Variants in FAM228B observed in about 807,000 individuals in gnomAD.
FAM228B encodes the protein protein FAM228B.
FAM228B carries 38 observed loss-of-function variants against 42.6 expected under a neutral mutation model. The ratio of observed to expected loss-of-function variants is 0.89; its 90% CI spans 0.69 to 1.17. The LOEUF (loss-of-function observed/expected upper bound fraction) is 1.17. FAM228B is among the 50% of genes most tolerant of loss of function. FAM228B has a pLI of 0.00. For synonymous variants in FAM228B, 109 were observed against 122.3 expected (o/e 0.89, Z 0.72); for missense variants, 344 against 367.3 (o/e 0.94, Z 0.52).
At chr2:24,146,215 A>T (rs1039799016) in intron 5 of FAM228B, among the ~76,000 whole-genome samples, 2 of 152,204 alleles carry the variant, frequency 1.3e-5, no homozygotes, top group Admixed American at 6.5e-5. Context: ...CTAGGCCTAA[A>T]TGGTGAATGT....
At chr2:24,148,014 G>T (rs2151024101) in intron 7 of FAM228B, among the ~76,000 whole-genome samples, 1 of 151,826 alleles carries the variant, frequency 6.6e-6, no homozygotes, top group East Asian at 1.9e-4. Context: ...TCTAGAAATG[G>T]ATATGCCTCT....
At chr2:24,155,394 T>C (rs563413953) in intron 7 of FAM228B, among the ~76,000 whole-genome samples, 10 of 151,046 alleles carry the variant, frequency 6.6e-5, no homozygotes, top group Admixed American at 2.6e-4. Context: ...TCTCTAGCCT[T>C]ATGGGGGCTG....
At chr2:24,118,153 A>G (rs1665982860) in intron 3 of FAM228B, among the ~76,000 whole-genome samples, 3 of 152,210 alleles carry the variant, frequency 2.0e-5, no homozygotes. Context: ...TGACAGCCAA[A>G]TTGCCCATCT....
rs775840786 is a variant in FAM228B at position 24,084,162 on chromosome 2, G to A, written c.-210+3207G>A. 1.1e-5 allele frequency: 17 copies of A among 1,593,992 alleles called. No individual in the cohort carries two copies. The highest frequency in any genetic ancestry group is 1.4e-5 in the Non-Finnish European group (16 of 1,171,812). ...AGAGGGAGGCTCTGGAGTCCCGCCC[G>A]CCCCGGCGCGGCTGAGCCCTGGGTA... On this transcript the variant is annotated intron_variant, in intron 2 of 10. Transcript: ENST00000613899. This position sits in a 1 kb window ranked among gnomAD's most constrained non-coding sequence, Gnocchi z 8.4.
chr2:24,155,531 ATTTTTTTT>A (rs70944720), intron 7 of FAM228B, among the ~76,000 whole-genome samples: 18 of 13,034 alleles, frequency 1.4e-3, no homozygotes, highest in South Asian at 3.8e-3. Context: ...ATATATATAT[ATTTTTTTT>A]TTTTTTTTTT....
At chr2:24,136,153 C>CTGGG (rs1380057577) in intron 3 of FAM228B, among the ~76,000 whole-genome samples, 4 of 148,642 alleles carry the variant, frequency 2.7e-5, no homozygotes, top group Non-Finnish European at 5.9e-5. Context: ...CCTTGGCCTC[C>CTGGG]TGGGCTCAAG....
At chr2:24,147,736 T>A (rs918236164) in intron 7 of FAM228B, among the ~76,000 whole-genome samples, 11 of 152,178 alleles carry the variant, frequency 7.2e-5, no homozygotes, top group Admixed American at 2.6e-4. Context: ...AATTTTTAGA[T>A]AGTTTTTATT....
At position 24,087,553 on chromosome 2, in the gene FAM228B, A is replaced by G. The variant is rs565322675; in HGVS notation, c.-210+6598A>G. On this transcript the variant is annotated intron_variant, in intron 2 of 10. Transcript: ENST00000613899. ...TAGATAGCTTCAGGATGAGCTGGTC[A>G]CCAGAAAGACCCTGGGAAGGGGAAG... 6.6e-5 allele frequency among the ~76,000 whole-genome samples: 10 copies of G among 152,250 alleles called. 1 individual carries two copies. The South Asian group carries it at 2.1e-3, about 32-fold the overall frequency.
At chr2:24,154,197 A>G (rs1486445209) in intron 7 of FAM228B, among the ~76,000 whole-genome samples, 1 of 152,232 alleles carries the variant, frequency 6.6e-6, no homozygotes, top group Non-Finnish European at 1.5e-5. Flanking sequence ...GGTTTTGGTG[A>G]TGGTGCTTTT....
intron 3 of FAM228B, among the ~76,000 whole-genome samples, chr2:24,114,043 A>T (rs1449112370): frequency 6.6e-6 from 1 of 152,232 alleles, no homozygotes; most frequent in Admixed American, 6.5e-5. Flanking sequence ...TGTTGGAAGT[A>T]AGTTCTGTGT....
intron 3 of FAM228B, among the ~76,000 whole-genome samples, chr2:24,106,866 A>G (rs952316759): frequency 1.5e-5 from 2 of 129,916 alleles, no homozygotes; most frequent in East Asian, 4.5e-4. Context: ...TAAATCAACC[A>G]CACTAACAAG....
Position 24,169,495 on chromosome 2 carries a change from T to TAA in FAM228B, c.*162_*163dup. On this transcript the variant is annotated 3_prime_UTR_variant, in exon 11 of 11. Coordinates refer to ENST00000615575, the MANE Select transcript of FAM228B (RefSeq NM_001145710.2). This position sits in a 1 kb window ranked among gnomAD's most constrained non-coding sequence, Gnocchi z 4.2. ...CGGCACTCAAGAATTGTCCTGTCTCTAAAAAAAAAGCATCTGCAACGAACT... is the reference window on the plus strand; with the variant it reads ...CGGCACTCAAGAATTGTCCTGTCTCTAAAAAAAAAAAGCATCTGCAACGAACT... 2 of 294,670 alleles carry TAA rather than the reference T, an allele frequency of 6.8e-6. No individual in the cohort carries two copies. The highest frequency in any genetic ancestry group is 8.3e-5 in the East Asian group (1 of 12,022). The allele number at this position is 294,670 out of a possible 1,614,324, so 18.3% of individuals were successfully genotyped here.
At chr2:24,106,487 T>G (rs1324428577) in intron 3 of FAM228B, among the ~76,000 whole-genome samples, 2 of 151,932 alleles carry the variant, frequency 1.3e-5, no homozygotes, top group South Asian at 2.1e-4. Context: ...GACCAGCTAA[T>G]TTTTGTATTT....
chr2:24,128,324 A>G (rs1666365616), intron 2 of FAM228B, among the ~76,000 whole-genome samples: 1 of 152,086 alleles, frequency 6.6e-6, no homozygotes, highest in African/African-American at 2.4e-5. Flanking sequence ...CCTGGCCTCA[A>G]GTGATCCTCC....
At chr2:24,103,250 G>C (rs756950776) in intron 3 of FAM228B, among the ~76,000 whole-genome samples, 36 of 152,218 alleles carry the variant, frequency 2.4e-4, no homozygotes, top group Non-Finnish European at 4.7e-4. Context: ...GGTGAAGGGA[G>C]GCTGGGGAGG....
At chr2:24,133,050 C>T (rs929944474) in intron 2 of FAM228B, among the ~76,000 whole-genome samples, 21 of 152,156 alleles carry the variant, frequency 1.4e-4, no homozygotes, top group African/African-American at 4.8e-4. Context: ...ATGCTTACCC[C>T]AAACTCTGTC....
intron 3 of FAM228B, among the ~76,000 whole-genome samples, chr2:24,104,406 G>T (rs754649289): frequency 2.0e-5 from 3 of 152,238 alleles, no homozygotes; most frequent in Non-Finnish European, 4.4e-5. Flanking sequence ...AGCAAAGGCT[G>T]CAGTTGCCAT....
chr2:24,101,728 G>A (rs576800464), intron 3 of FAM228B, among the ~76,000 whole-genome samples: 11 of 152,036 alleles, frequency 7.2e-5, no homozygotes, highest in Admixed American at 1.3e-4. Flanking sequence ...TTTCGCCCAC[G>A]ATGGAGTGCA....
At chr2:24,145,415 C>T (rs539178316) in intron 5 of FAM228B, among the ~76,000 whole-genome samples, 1 of 152,288 alleles carries the variant, frequency 6.6e-6, no homozygotes, top group Admixed American at 6.5e-5. Context: ...TGCACGCACC[C>T]AGGATCAAAG....
Sources: allele counts gnomAD v4.1 joint callset (sites outside exome capture counted in the v4.1 genomes callset), GRCh38; gene constraint gnomAD v4.1.1; non-coding constraint Gnocchi (gnomAD v3.1); transcripts MANE v1.5; gene names NCBI Gene and HGNC (gene_info 2026-07-23, HGNC 2026-07-21).